ERCC2: variants seen among roughly 807,000 people sequenced by gnomAD.
ERCC2 encodes general transcription and DNA repair factor IIH helicase subunit XPD.
ERCC2 carries 90 observed loss-of-function variants against 99.4 expected under a neutral mutation model. That is an observed-to-expected ratio of 0.91 (90% CI 0.76 to 1.08). The LOEUF (loss-of-function observed/expected upper bound fraction) is 1.08. Among genes scored for constraint, ERCC2 ranks in the 50% least tolerant of loss-of-function variants. The pLI is 0.00. For synonymous variants in ERCC2, 497 were observed against 432.4 expected, an observed-to-expected ratio of 1.15 and a Z score of -1.85; for missense variants, 993 against 1,038.1, an observed-to-expected ratio of 0.96 and a Z score of 0.60.
rs1971773898 is a variant in ERCC2, at chr19:45,351,471, G to A, written c.*158C>T. The A allele has an allele frequency of 3.2e-6, 5 of 1,585,276 alleles. No homozygotes were observed. The South Asian group carries it at 3.4e-5, about 11-fold the overall frequency. On this transcript the variant is annotated 3_prime_UTR_variant, in exon 23 of 23. Transcript: ENST00000391945. ...GCCCCCCCTTGCCTCTGGGTACCTG[G>A]TGGATAGCTGCCTTCTCCTGCGATT...
intron 12 of ERCC2, chr19:45,358,309 T>C (rs1020166289): frequency 3.1e-5 from 6 of 193,676 alleles, no homozygotes; most frequent in Admixed American, 5.4e-5. Flanking sequence ...TATGAGCCAC[T>C]GCACCTGGCC....
chr19:45,357,355 T>G lies in ERCC2; in HGVS notation c.1394A>C (p.Asp465Ala), dbSNP rs902104432. 1 of 1,613,946 alleles carries G rather than the reference T, an allele frequency of 6.2e-7. No homozygotes were observed. ...IITSGTLSPL[D>A]IYPKILDFHP... The stretch of plus-strand genomic sequence containing the variant: ...GAAGTCCAGGATCTTGGGGTAGATG[T>G]CCAGCGGGGACAGTGTCTGTGGCGG... The change falls in exon 15 of 23, where the codon GAC becomes GCC. Residue 465 changes from aspartate (D) to alanine (A), a missense_variant. Around this residue, in one of 3 missense-constraint regions of ERCC2, gnomAD observed 909 missense variants for 930.8 expected, o/e 0.98. Transcript: ENST00000391945.
In ERCC2 at chr19:45,351,239, A is replaced by G. The variant is rs1971753940; in HGVS notation, c.*390T>C. 7 of 1,584,762 alleles carry G rather than the reference A, an allele frequency of 4.4e-6. No homozygotes were observed. The East Asian group carries it at 1.6e-4, about 35-fold the overall frequency. On this transcript the variant is annotated 3_prime_UTR_variant, in exon 23 of 23. Coordinates refer to ENST00000391945, the MANE Select transcript of ERCC2 (RefSeq NM_000400.4). Reference sequence around the variant, plus strand: ...CCTGGAGCTGGAGGGTGGATGTAACACTTGCCCCTCACCTCCCCTCCAACC... The same window carrying G: ...CCTGGAGCTGGAGGGTGGATGTAACGCTTGCCCCTCACCTCCCCTCCAACC...
intron 5 of ERCC2, among the ~76,000 whole-genome samples, chr19:45,368,061 A>C (rs2123310334): frequency 6.6e-6 from 1 of 152,056 alleles, no homozygotes; most frequent in South Asian, 2.1e-4. Context: ...TTTAGTAGAA[A>C]TGGGGTTTCG....
chr19:45,369,238 CAACTCAG>C lies in ERCC2; in HGVS notation c.106-98_106-92del. Reference sequence around the variant, plus strand: ...GACTCTCCCCGACCCCCAATGCCACCAACTCAGAACAGCAGGATAACACAGCAGCAGT... The same window carrying C: ...GACTCTCCCCGACCCCCAATGCCACCAACAGCAGGATAACACAGCAGCAGT... On this transcript the variant is annotated intron_variant, in intron 2 of 22. Coordinates refer to ENST00000391945, the MANE Select transcript of ERCC2 (RefSeq NM_000400.4). 2.1e-6 allele frequency: 2 copies of C among 938,120 alleles called. 1 individual carries two copies. Among genetic ancestry groups the C allele is most frequent in the Non-Finnish European group, 3.5e-6 (2 of 568,638 alleles). 58.1% of individuals were successfully genotyped at this position (938,120 alleles called of 1,614,324 possible).
At chr19:45,369,607 T>A (rs1470640007) in intron 2 of ERCC2, among the ~76,000 whole-genome samples, 1 of 152,136 alleles carries the variant, frequency 6.6e-6, no homozygotes. Flanking sequence ...ACCTTCCTCA[T>A]AACATGACTA....
chr19:45,351,383 G>T lies in ERCC2; in HGVS notation c.*246C>A. The T allele has an allele frequency of 6.2e-7, 1 of 1,607,306 alleles. No homozygotes were observed. ...CGTCCAGTGAACTGCGCTGGCCGCA[G>T]CTTCTTGGGAACAGTGCAGGAGGGA... On this transcript the variant is annotated 3_prime_UTR_variant, in exon 23 of 23. Coordinates refer to ENST00000391945, the MANE Select transcript of ERCC2 (RefSeq NM_000400.4).
At chr19:45,369,912 G>A (rs908319187) in intron 2 of ERCC2, among the ~76,000 whole-genome samples, 3 of 152,238 alleles carry the variant, frequency 2.0e-5, no homozygotes, top group Non-Finnish European at 4.4e-5. Flanking sequence ...CTGACCTCAA[G>A]TGATCCGCCC....
At chr19:45,354,691 T>C in intron 17 of ERCC2, 39 bp downstream of exon 17, 2 of 1,612,226 alleles carry the variant, frequency 1.2e-6, no homozygotes, top group Non-Finnish European at 1.7e-6. Flanking sequence ...TGCCAGGGAC[T>C]GAGGAGAGCA....
intron 5 of ERCC2, among the ~76,000 whole-genome samples, chr19:45,367,102 G>T (rs1189808729): frequency 6.6e-6 from 1 of 152,150 alleles, no homozygotes; most frequent in Non-Finnish European, 1.5e-5. Context: ...ACTTTGGGAG[G>T]CTGAGGCGGG....
At position 45,351,109 on chromosome 19, in the gene ERCC2, T is replaced by A; in HGVS notation, c.*520A>T. ...CAGGGCGGTCGGGCCAGTGGTGGAG[T>A]CAGCAGGTGGTGGGTTGGTGTCAGA... On this transcript the variant is annotated 3_prime_UTR_variant, in exon 23 of 23. Transcript: ENST00000391945. 1 of 1,607,350 alleles carries A rather than the reference T, an allele frequency of 6.2e-7. No homozygotes were observed. The highest frequency in any genetic ancestry group is 1.7e-5 in the Admixed American group (1 of 59,200).
intron 7 of ERCC2, 121 bp downstream of exon 7, chr19:45,364,717 A>G: frequency 8.1e-7 from 1 of 1,239,990 alleles, no homozygotes; most frequent in Non-Finnish European, 1.2e-6. Context: ...GCACCCACCA[A>G]CAGGGAGATG....
chr19:45,355,451 G>A (rs1971980379), intron 16 of ERCC2, among the ~76,000 whole-genome samples: 3 of 152,208 alleles, frequency 2.0e-5, no homozygotes, highest in Admixed American at 2.0e-4. Context: ...ACATTATGCT[G>A]CCTCTGACAC....
chr19:45,353,359 G>A lies in ERCC2; in HGVS notation c.1666-25C>T, dbSNP rs551374692. Reference sequence around the variant, plus strand: ...CCTGGGGAAGGACCCAGGGAGGTCAGGGTGGGTTCAGGGCACAGCCATCCT... The same window carrying A: ...CCTGGGGAAGGACCCAGGGAGGTCAAGGTGGGTTCAGGGCACAGCCATCCT... On this transcript the variant is annotated intron_variant, in intron 17 of 22. Transcript: ENST00000391945. 10 of 1,582,106 alleles carry A rather than the reference G, an allele frequency of 6.3e-6. No individual in the cohort carries two copies. The Admixed American group carries it at 1.5e-4, about 24-fold the overall frequency.
In ERCC2 at chr19:45,351,299, A is replaced by C. The variant is rs746886024; in HGVS notation, c.*330T>G. On this transcript the variant is annotated 3_prime_UTR_variant, in exon 23 of 23. Coordinates refer to ENST00000391945, the MANE Select transcript of ERCC2 (RefSeq NM_000400.4). ...GCCTGTCTCCAGTTTCCCAGCTGGC[A>C]CCTGGACAAGGCCCCTCGGACCCTC... The C allele has an allele frequency of 1.9e-6, 3 of 1,612,594 alleles. No homozygotes were observed. Among genetic ancestry groups the C allele is most frequent in the Non-Finnish European group, 2.5e-6 (3 of 1,179,958 alleles).
At chr19:45,361,739 C>T in intron 11 of ERCC2, 97 bp from the exon 12 acceptor site, 1 of 945,738 alleles carries the variant, frequency 1.1e-6, no homozygotes, top group Non-Finnish European at 1.7e-6. Context: ...TGCCTGTCTC[C>T]CCAGCCAATG....
intron 15 of ERCC2, among the ~76,000 whole-genome samples, chr19:45,356,848 G>C (rs988426164): frequency 3.9e-5 from 6 of 152,190 alleles, no homozygotes; most frequent in Non-Finnish European, 5.9e-5. Flanking sequence ...GGGGACTTCA[G>C]ATAAGGGACT....
rs1451731131 is a variant in ERCC2 at position 45,350,523 on chromosome 19, A to G, written c.*1106T>C. ...CCATCTTTCCCCCTAGGTGCCCCCA[A>G]CACAGGCACAGCTGGTGACGCAGAA... On this transcript the variant is annotated 3_prime_UTR_variant, in exon 23 of 23. Coordinates refer to ENST00000391945, the MANE Select transcript of ERCC2 (RefSeq NM_000400.4). 1.9e-6 allele frequency: 3 copies of G among 1,613,420 alleles called. No homozygotes were observed. The highest frequency in any genetic ancestry group is 2.2e-5 in the South Asian group (2 of 91,020).
Position 45,352,079 on chromosome 19 carries a change from C to T in ERCC2, c.2190+130G>A, listed in dbSNP as rs1004524742. The T allele has an allele frequency of 2.0e-5, 22 of 1,124,296 alleles. 1 individual carries two copies. The highest frequency in any genetic ancestry group is 9.5e-5 in the South Asian group (7 of 73,932). The allele number at this position is 1,124,296 out of a possible 1,614,324, so 69.6% of individuals were successfully genotyped here. ...CCCCAGAGCCTGGCACGTAGATGCA[C>T]GATAAACTTCTCTTTGCTGAGGGCA... On this transcript the variant is annotated intron_variant, in intron 22 of 22. Coordinates refer to ENST00000391945, the MANE Select transcript of ERCC2 (RefSeq NM_000400.4).
Sources: allele counts gnomAD v4.1 joint callset (sites outside exome capture counted in the v4.1 genomes callset), GRCh38; gene constraint gnomAD v4.1.1; regional missense constraint gnomAD v4.1.1; transcripts MANE v1.5; gene names NCBI Gene and HGNC (gene_info 2026-07-23, HGNC 2026-07-21).